The following RPS6KB1 variants were observed in gnomAD, a reference collection of about 807,000 sequenced individuals.
RPS6KB1 encodes the protein ribosomal protein S6 kinase beta-1.
RPS6KB1 carries 12 observed loss-of-function variants against 70.2 expected under a neutral mutation model. That is an observed-to-expected ratio of 0.17 (90% CI 0.11 to 0.28). The LOEUF (loss-of-function observed/expected upper bound fraction) is 0.28, where lower values mean the gene tolerates loss of function less well. Ranked by LOEUF, RPS6KB1 falls within the 10% of genes least tolerant of loss-of-function variation. The probability of loss-of-function intolerance (pLI) is 1.00; values close to 1 mark genes in which losing one functional copy is unlikely to be tolerated. For synonymous variants in RPS6KB1, 175 were observed against 211.2 expected (o/e 0.83, Z 1.49); for missense variants, 270 against 646.6 (o/e 0.42, Z 6.32).
At chr17:59,936,904 G>C (rs2044277730) in intron 12 of RPS6KB1, among the ~76,000 whole-genome samples, 1 of 152,098 alleles carries the variant, frequency 6.6e-6, no homozygotes, top group Non-Finnish European at 1.5e-5. Context: ...TGTCACCCAG[G>C]ATGGAGTGCA....
intron 3 of RPS6KB1, among the ~76,000 whole-genome samples, chr17:59,914,385 G>A (rs1235468198): frequency 1.3e-5 from 2 of 152,092 alleles, no homozygotes; most frequent in African/African-American, 4.8e-5. Flanking sequence ...TTCTAAGTAG[G>A]ATTTTATATA....
At chr17:59,924,174 C>CA (rs768324119) in intron 4 of RPS6KB1, among the ~76,000 whole-genome samples, 1 of 151,950 alleles carries the variant, frequency 6.6e-6, no homozygotes, top group Non-Finnish European at 1.5e-5. Flanking sequence ...ACTAAAAATA[C>CA]AAAAATTAGC....
intron 13 of RPS6KB1, among the ~76,000 whole-genome samples, chr17:59,942,192 GCCT>G (rs1568505558): frequency 6.6e-6 from 1 of 152,160 alleles, no homozygotes; most frequent in East Asian, 1.9e-4. Context: ...TGATCCACCC[GCCT>G]TGGCCTCCCA....
At chr17:59,895,732 A>G (rs981778560) in intron 1 of RPS6KB1, among the ~76,000 whole-genome samples, 5 of 152,002 alleles carry the variant, frequency 3.3e-5, no homozygotes, top group Non-Finnish European at 5.9e-5. Flanking sequence ...TCCTGAGCTC[A>G]AGCGATTCTC....
intron 1 of RPS6KB1, chr17:59,907,020 A>C (rs1346988459): frequency 7.6e-6 from 1 of 132,130 alleles, no homozygotes; most frequent in African/African-American, 2.9e-5. Flanking sequence ...TTTTTTTTTG[A>C]GACAGAGTCT....
chr17:59,893,697 G>A lies in RPS6KB1; in HGVS notation c.141+372G>A. 1.2e-6 allele frequency: 1 copy of A among 853,326 alleles called. No individual in the cohort carries two copies. The highest frequency in any genetic ancestry group is 1.4e-6 in the Non-Finnish European group (1 of 694,512). The allele number at this position is 853,326 out of a possible 1,614,324, so 52.9% of individuals were successfully genotyped here. On this transcript the variant is annotated intron_variant, in intron 1 of 14. Coordinates refer to ENST00000225577, the MANE Select transcript of RPS6KB1 (RefSeq NM_003161.4). The surrounding 1 kb of genome is among the most constrained non-coding windows in gnomAD (Gnocchi z 4.1). ...TGCTGGGTGTCCCGTAAGTGCAGGC[G>A]AAGTGTGGAGGGTTTCCCTTCGAGT...
chr17:59,903,939 T>G (rs567409472), intron 1 of RPS6KB1, among the ~76,000 whole-genome samples: 35 of 152,206 alleles, frequency 2.3e-4, no homozygotes, highest in Middle Eastern at 6.8e-3. Context: ...AGAGATGAGA[T>G]CTCACTTTAG....
At chr17:59,907,500 G>A (rs1022709941) in intron 1 of RPS6KB1, 5 of 149,740 alleles carry the variant, frequency 3.3e-5, no homozygotes, top group African/African-American at 7.4e-5. Context: ...ATTCAGCAAT[G>A]TTTTATTGTT....
At chr17:59,907,853 T>G (rs948848699) in intron 1 of RPS6KB1, among the ~76,000 whole-genome samples, 2 of 152,160 alleles carry the variant, frequency 1.3e-5, no homozygotes. Context: ...TTCTTAGTGA[T>G]GGTATTATAA....
At position 59,893,145 on chromosome 17, in the gene RPS6KB1, T is replaced by C. The variant is rs751798519; in HGVS notation, c.-40T>C. The C allele has an allele frequency of 4.4e-5, 70 of 1,598,100 alleles. No homozygotes were observed. The highest frequency in any genetic ancestry group is 5.7e-5 in the Non-Finnish European group (67 of 1,173,218). On this transcript the variant is annotated 5_prime_UTR_variant, in exon 1 of 15. The change abolishes an upstream ATG in the 5' untranslated region. Transcript: ENST00000225577. This position sits in a 1 kb window ranked among gnomAD's most constrained non-coding sequence, Gnocchi z 4.1. The stretch of plus-strand genomic sequence containing the variant: ...CGCACTGAGCCTAAGCAGCCGGTGA[T>C]GGCGGCAGCGGCTGTGGTGGCTGCG...
At chr17:59,937,979 C>T (rs1000335954) in intron 12 of RPS6KB1, among the ~76,000 whole-genome samples, 5 of 151,978 alleles carry the variant, frequency 3.3e-5, no homozygotes, top group African/African-American at 1.2e-4. Flanking sequence ...ATTTTTTGGT[C>T]ATGGAGCATA....
intron 10 of RPS6KB1, 21 bp from the exon 11 acceptor site, chr17:59,936,194 A>G: frequency 2.5e-6 from 4 of 1,589,298 alleles, no homozygotes; most frequent in Non-Finnish European, 3.4e-6. Context: ...TCTTTATCCA[A>G]GCTTTTTTTC....
At position 59,946,656 on chromosome 17, in the gene RPS6KB1, G is replaced by A; in HGVS notation, c.1446G>A (p.Glu482=). 1 of 1,614,168 alleles carries A rather than the reference G, an allele frequency of 6.2e-7. No homozygotes were observed. Among genetic ancestry groups the A allele is most frequent in the Admixed American group, 1.7e-5 (1 of 60,020 alleles). ...ACCCAATGGAAACAAGTGGCATAGAGCAGATGGATGTGACAATGAGTGGGG... is the reference window on the plus strand; with the variant it reads ...ACCCAATGGAAACAAGTGGCATAGAACAGATGGATGTGACAATGAGTGGGG... ...VEYPMETSGI[E]QMDVTMSGEA... The change falls in exon 15 of 15, where the codon GAG becomes GAA. Residue 482 remains glutamate (E), a synonymous_variant. Coordinates refer to ENST00000225577, the MANE Select transcript of RPS6KB1 (RefSeq NM_003161.4). The surrounding 1 kb of genome is among the most constrained non-coding windows in gnomAD (Gnocchi z 4.2).
At position 59,910,546 on chromosome 17, in the gene RPS6KB1, T is replaced by G; in HGVS notation, c.142-16T>G. 1 of 1,539,106 alleles carries G rather than the reference T, an allele frequency of 6.5e-7. No individual in the cohort carries two copies. Among genetic ancestry groups the G allele is most frequent in the Non-Finnish European group, 8.9e-7 (1 of 1,121,416 alleles). On this transcript the variant is annotated splice_polypyrimidine_tract_variant and intron_variant, in intron 1 of 14. Coordinates refer to ENST00000225577, the MANE Select transcript of RPS6KB1 (RefSeq NM_003161.4). ...GTTTATTAGATTATTTCTGAAACTT[T>G]TAACATATTTTTCAGGGTCAGTTAA...
At chr17:59,897,710 T>C (rs531062929) in intron 1 of RPS6KB1, among the ~76,000 whole-genome samples, 24 of 152,306 alleles carry the variant, frequency 1.6e-4, no homozygotes, top group African/African-American at 5.8e-4. Context: ...CTCATGCCTG[T>C]AATCCCAGCA....
rs2045049713 is a variant in RPS6KB1, at chr17:59,948,486, C to T, written c.*1698C>T. On this transcript the variant is annotated 3_prime_UTR_variant, in exon 15 of 15. Coordinates refer to ENST00000225577, the MANE Select transcript of RPS6KB1 (RefSeq NM_003161.4). ...TAAAATTCTTTATGCATGTTGAATT[C>T]AGTCAGAAAAGAGCAAGGCTTTGCT... The T allele has an allele frequency of 6.6e-6, 1 of 152,504 alleles. No individual in the cohort carries two copies. Among genetic ancestry groups the T allele is most frequent in the Non-Finnish European group, 1.5e-5 (1 of 68,026 alleles). 9.4% of individuals were successfully genotyped at this position (152,504 alleles called of 1,614,324 possible). A position where few individuals can be genotyped will look rare whatever the true frequency, so the allele number is the denominator to read the frequency against.
chr17:59,933,833 T>G (rs930489436), intron 7 of RPS6KB1, among the ~76,000 whole-genome samples: 5 of 152,184 alleles, frequency 3.3e-5, no homozygotes, highest in Non-Finnish European at 7.4e-5. Flanking sequence ...TAAACTAGAC[T>G]TCATAAAACA....
chr17:59,936,358 A>G (rs576771849), intron 11 of RPS6KB1, 81 bp downstream of exon 11: 5 of 1,510,006 alleles, frequency 3.3e-6, no homozygotes, highest in Non-Finnish European at 1.8e-6. Flanking sequence ...GTAGTTGCTT[A>G]TAAGTTTAGC....
At chr17:59,938,050 G>T (rs2044340341) in intron 12 of RPS6KB1, among the ~76,000 whole-genome samples, 1 of 150,444 alleles carries the variant, frequency 6.6e-6, no homozygotes, top group Non-Finnish European at 1.5e-5. Context: ...TATACCTACT[G>T]CCCAGCTTAA....
Sources: gnomAD v4.1 joint callset for allele counts (sites outside exome capture counted in the v4.1 genomes callset) on GRCh38, gnomAD v4.1.1 for gene constraint, Gnocchi (gnomAD v3.1) non-coding constraint, MANE v1.5 for transcripts, NCBI Gene and HGNC (gene_info 2026-07-23, HGNC 2026-07-21) for gene names.